KIAA1549L: variants seen among roughly 807,000 people sequenced by gnomAD.
KIAA1549L encodes the protein KIAA1549 like, also known as UPF0606 protein KIAA1549L.
KIAA1549L carries 88 observed loss-of-function variants against 160.7 expected under a neutral mutation model. The ratio of observed to expected loss-of-function variants is 0.55; its 90% CI spans 0.46 to 0.65. KIAA1549L has a LOEUF of 0.65. KIAA1549L is among the 30% of genes least tolerant of loss of function. The pLI, the probability that KIAA1549L is intolerant of heterozygous loss-of-function variation, is 0.00. For missense variants in KIAA1549L, 2,258 were observed against 2,437.5 expected (o/e 0.93, Z 1.55); for synonymous variants, 950 against 976.7 (o/e 0.97, Z 0.51).
rs1564924610 is a variant in KIAA1549L at position 33,614,543 on chromosome 11, T to TCC, written c.5280-3990_5280-3989insCC. ...GTGAGTGTAACAAGATATATATATA[T>TCC]ATATATATATATATATATATATATA... On this transcript the variant is annotated intron_variant, in intron 15 of 20. Coordinates refer to ENST00000658780, the MANE Select transcript of KIAA1549L (RefSeq NM_012194.3). 5.5e-3 allele frequency among the ~76,000 whole-genome samples: 38 copies of TCC among 6,972 alleles called. 1 individual carries two copies. Among genetic ancestry groups the TCC allele is most frequent in the Non-Finnish European group, 9.1e-3 (31 of 3,414 alleles). 4.6% of individuals were successfully genotyped at this position (6,972 alleles called of 152,430 possible).
At chr11:33,434,104 GT>G (rs35746278) in intron 1 of KIAA1549L, among the ~76,000 whole-genome samples, 37,137 of 151,578 alleles carry the variant, frequency 0.25, 4,748 homozygotes, top group East Asian at 0.32. Context: ...AAAGAATATG[GT>G]ATTCTTAGAA....
intron 1 of KIAA1549L, among the ~76,000 whole-genome samples, chr11:33,408,680 C>G: frequency 6.7e-6 from 1 of 149,780 alleles, no homozygotes; most frequent in Middle Eastern, 3.4e-3. Context: ...TGTCTCATTT[C>G]TGACATCATC....
intron 12 of KIAA1549L, among the ~76,000 whole-genome samples, chr11:33,597,718 G>T (rs554742150): frequency 6.6e-6 from 1 of 152,246 alleles, no homozygotes; most frequent in Non-Finnish European, 1.5e-5. Flanking sequence ...TGAGAGTCCC[G>T]CCCTGAGGAA....
At chr11:33,549,632 C>T (rs1170234889) in intron 4 of KIAA1549L, among the ~76,000 whole-genome samples, 1 of 152,182 alleles carries the variant, frequency 6.6e-6, no homozygotes, top group Non-Finnish European at 1.5e-5. Context: ...GCACACCCAT[C>T]CTGTTGCAAA....
At chr11:33,544,665 A>C in intron 2 of KIAA1549L, 102 bp from the exon 3 acceptor site, 1 of 1,436,646 alleles carries the variant, frequency 7.0e-7, no homozygotes, top group Non-Finnish European at 9.3e-7. Flanking sequence ...GATTGCAGAG[A>C]CTTCACCCTA....
chr11:33,525,724 A>C (rs556122588), intron 1 of KIAA1549L, among the ~76,000 whole-genome samples: 31 of 152,122 alleles, frequency 2.0e-4, no homozygotes, highest in Middle Eastern at 6.8e-3. Context: ...GTCTGGGGCA[A>C]GATTTCAGCT....
At chr11:33,401,899 C>T (rs1316366416) in intron 1 of KIAA1549L, among the ~76,000 whole-genome samples, 1 of 152,168 alleles carries the variant, frequency 6.6e-6, no homozygotes, top group African/African-American at 2.4e-5. Context: ...CTCAAAGATG[C>T]GGAAGCCAGG....
intron 4 of KIAA1549L, among the ~76,000 whole-genome samples, chr11:33,549,402 A>G (rs1055472072): frequency 6.6e-6 from 1 of 152,184 alleles, no homozygotes; most frequent in Admixed American, 6.5e-5. Context: ...GGTTAGAGAG[A>G]TGTTAAAAGC....
chr11:33,636,769 A>G (rs1398865304), intron 16 of KIAA1549L, among the ~76,000 whole-genome samples: 1 of 152,240 alleles, frequency 6.6e-6, no homozygotes, highest in East Asian at 1.9e-4. Context: ...GAGAAAAAAC[A>G]TCATGTATCT....
At chr11:33,458,053 C>G (rs1311711397) in intron 1 of KIAA1549L, among the ~76,000 whole-genome samples, 1 of 152,182 alleles carries the variant, frequency 6.6e-6, no homozygotes, top group Non-Finnish European at 1.5e-5. Flanking sequence ...TGTGCACGCT[C>G]TGAGGCCCGA....
intron 1 of KIAA1549L, among the ~76,000 whole-genome samples, chr11:33,437,054 A>G (rs528383650): frequency 1.3e-5 from 2 of 152,366 alleles, no homozygotes; most frequent in South Asian, 4.1e-4. Flanking sequence ...TGCGGTAGTT[A>G]TAGCTGTCTC....
intron 1 of KIAA1549L, among the ~76,000 whole-genome samples, chr11:33,490,148 A>G (rs2756283): frequency 0.73 from 110,826 of 151,862 alleles, 41,325 homozygotes; most frequent in African/African-American, 0.89. Flanking sequence ...CCCATGGCAA[A>G]TCAGGAAAGT....
chr11:33,389,940 CCT>C, intron 1 of KIAA1549L, among the ~76,000 whole-genome samples: 1 of 152,320 alleles, frequency 6.6e-6, no homozygotes, highest in East Asian at 1.9e-4. Flanking sequence ...CAGTATGGGG[CCT>C]CAGGCCATGG....
chr11:33,513,211 TAAAAC>T (rs1288568349), intron 1 of KIAA1549L, among the ~76,000 whole-genome samples: 3 of 152,210 alleles, frequency 2.0e-5, no homozygotes, highest in South Asian at 2.1e-4. Context: ...AAAATGAAAA[TAAAAC>T]AAATATTTTT....
chr11:33,549,691 A>G (rs1459422406), intron 4 of KIAA1549L, among the ~76,000 whole-genome samples: 1 of 152,234 alleles, frequency 6.6e-6, no homozygotes, highest in East Asian at 1.9e-4. Context: ...ATGCAAGAAT[A>G]TGGGGAGAAA....
In KIAA1549L at chr11:33,376,250, G is replaced by T. The variant is rs1368123289; in HGVS notation, c.-402G>T. ...GGCGCCGAGGCTGCAGCGGCGGCGG[G>T]AGGGAGGGACCCGAGCGCGCCCCGC... On this transcript the variant is annotated 5_prime_UTR_variant, in exon 1 of 21. Coordinates refer to ENST00000658780, the MANE Select transcript of KIAA1549L (RefSeq NM_012194.3). The surrounding 1 kb of genome is among the most constrained non-coding windows in gnomAD (Gnocchi z 5.8). Among the ~76,000 whole-genome samples, 1 of 149,114 alleles carries T rather than the reference G, an allele frequency of 6.7e-6. No homozygotes were observed. Among genetic ancestry groups the T allele is most frequent in the Non-Finnish European group, 1.5e-5 (1 of 66,828 alleles).
chr11:33,581,988 A>G (rs1488863212), intron 10 of KIAA1549L, among the ~76,000 whole-genome samples: 1 of 152,168 alleles, frequency 6.6e-6, no homozygotes, highest in East Asian at 1.9e-4. Flanking sequence ...TATACTGTAC[A>G]TTTTTCTCCA....
At chr11:33,491,206 CT>C (rs1852650460) in intron 1 of KIAA1549L, among the ~76,000 whole-genome samples, 2 of 152,194 alleles carry the variant, frequency 1.3e-5, no homozygotes, top group South Asian at 4.2e-4. Context: ...AGTGAGAAGC[CT>C]CATGGAATCC....
At chr11:33,470,948 A>G (rs1399220160) in intron 1 of KIAA1549L, among the ~76,000 whole-genome samples, 1 of 152,108 alleles carries the variant, frequency 6.6e-6, no homozygotes, top group Non-Finnish European at 1.5e-5. Flanking sequence ...GAGTACTGCT[A>G]CAGTGTGATT....
Sources: gnomAD v4.1 joint callset for allele counts (sites outside exome capture counted in the v4.1 genomes callset) on GRCh38, gnomAD v4.1.1 for gene constraint, Gnocchi (gnomAD v3.1) non-coding constraint, MANE v1.5 for transcripts, NCBI Gene and HGNC (gene_info 2026-07-23, HGNC 2026-07-21) for gene names.